Variants in SERGEF observed in about 807,000 individuals in gnomAD.
The protein encoded by SERGEF is secretion regulating guanine nucleotide exchange factor, also known as secretion-regulating guanine nucleotide exchange factor.
Under a neutral mutation model 50.0 loss-of-function variants are expected in SERGEF, and 51 were observed. The ratio of observed to expected loss-of-function variants is 1.02; its 90% confidence interval spans 0.81 to 1.29. SERGEF has a LOEUF of 1.29. Ranked by LOEUF, SERGEF falls within the 50% of genes most tolerant of loss-of-function variation. The pLI is 0.00. For missense variants in SERGEF, 521 were observed against 557.0 expected, an observed-to-expected ratio of 0.94 and a Z score of 0.65; for synonymous variants, 205 against 212.4, an observed-to-expected ratio of 0.97 and a Z score of 0.30.
chr11:17,866,537 C>G (rs1349539456), intron 10 of SERGEF, among the ~76,000 whole-genome samples: 1 of 152,118 alleles, frequency 6.6e-6, no homozygotes, highest in Non-Finnish European at 1.5e-5. Context: ...GGGAGTCTTG[C>G]TCTGTCACCC....
rs1177578111 is a variant in SERGEF, at chr11:17,882,433, A to G, written c.1012-4189T>C. Among the ~76,000 whole-genome samples the G allele has an allele frequency of 7.9e-5, 12 of 151,542 alleles. No individual in the cohort carries two copies. The East Asian group carries it at 9.7e-4, about 12-fold the overall frequency. ...GAGTCAGTCTCAAAAAAAAAAAAAAAAAAGAAAAAAAAAGACTGTTCAAAC... is the reference window on the plus strand; with the variant it reads ...GAGTCAGTCTCAAAAAAAAAAAAAAGAAAGAAAAAAAAAGACTGTTCAAAC... On this transcript the variant is annotated intron_variant, in intron 9 of 10. Coordinates refer to ENST00000265965, the MANE Select transcript of SERGEF (RefSeq NM_012139.4).
chr11:17,799,047 G>T (rs961392805), intron 10 of SERGEF, among the ~76,000 whole-genome samples: 3 of 152,180 alleles, frequency 2.0e-5, no homozygotes, highest in Non-Finnish European at 4.4e-5. Flanking sequence ...TTCAGGTGTT[G>T]CTCTCCTGTC....
chr11:17,877,487 C>G (rs1851259425), intron 10 of SERGEF, among the ~76,000 whole-genome samples: 1 of 152,198 alleles, frequency 6.6e-6, no homozygotes, highest in South Asian at 2.1e-4. Flanking sequence ...CTATTGCCCT[C>G]CCCATTTTAA....
At chr11:17,976,612 A>G (rs1006526650) in intron 8 of SERGEF, among the ~76,000 whole-genome samples, 10 of 151,898 alleles carry the variant, frequency 6.6e-5, no homozygotes, top group African/African-American at 2.2e-4. Flanking sequence ...CACTGTGATT[A>G]TTGAGAGCAC....
intron 10 of SERGEF, among the ~76,000 whole-genome samples, chr11:17,826,202 A>C (rs1232849381): frequency 6.6e-6 from 1 of 152,242 alleles, no homozygotes; most frequent in Non-Finnish European, 1.5e-5. Context: ...GATGCTATTC[A>C]AGAATTCGAA....
intron 9 of SERGEF, among the ~76,000 whole-genome samples, chr11:17,934,701 G>C (rs1437432842): frequency 6.6e-6 from 1 of 152,158 alleles, no homozygotes; most frequent in Non-Finnish European, 1.5e-5. Context: ...AGGAACTACA[G>C]ACCAAGTGTA....
At chr11:17,847,496 T>C (rs1850637526) in intron 10 of SERGEF, among the ~76,000 whole-genome samples, 1 of 152,240 alleles carries the variant, frequency 6.6e-6, no homozygotes, top group Non-Finnish European at 1.5e-5. Flanking sequence ...TTTTCTCATC[T>C]GTAAAATGGA....
chr11:17,918,209 G>C (rs1317538502), intron 9 of SERGEF, among the ~76,000 whole-genome samples: 1 of 152,210 alleles, frequency 6.6e-6, no homozygotes, highest in African/African-American at 2.4e-5. Context: ...GCTGGTACAA[G>C]TGGAGCACTT....
chr11:17,796,537 C>T (rs1849574875), intron 10 of SERGEF, among the ~76,000 whole-genome samples: 1 of 152,166 alleles, frequency 6.6e-6, no homozygotes, highest in Non-Finnish European at 1.5e-5. Context: ...GTTTGCTTGC[C>T]CTTTTGCCAT....
chr11:17,923,901 C>G (rs1173874732), intron 9 of SERGEF, among the ~76,000 whole-genome samples: 1 of 152,194 alleles, frequency 6.6e-6, no homozygotes, highest in Non-Finnish European at 1.5e-5. Flanking sequence ...GAGACTGTGT[C>G]ATACTGAACT....
intron 10 of SERGEF, among the ~76,000 whole-genome samples, chr11:17,824,481 G>T (rs554541004): frequency 2.0e-5 from 3 of 152,150 alleles, no homozygotes; most frequent in African/African-American, 4.8e-5. Context: ...GCAATCTTGT[G>T]GGGGGATATC....
At chr11:18,000,596 T>C (rs1375740311) in intron 4 of SERGEF, 39 bp from the exon 5 acceptor site, 2 of 1,419,570 alleles carry the variant, frequency 1.4e-6, no homozygotes, top group East Asian at 2.3e-5. Context: ...CTCAGAACCA[T>C]CCATCTACAA....
chr11:17,936,705 C>T (rs1480872821), intron 9 of SERGEF, among the ~76,000 whole-genome samples: 1 of 152,130 alleles, frequency 6.6e-6, no homozygotes, highest in African/African-American at 2.4e-5. Flanking sequence ...GTTAGGGGTT[C>T]CATTCATTAG....
At chr11:17,944,126 G>A (rs1439216679) in intron 9 of SERGEF, among the ~76,000 whole-genome samples, 2 of 151,894 alleles carry the variant, frequency 1.3e-5, no homozygotes, top group African/African-American at 2.4e-5. Flanking sequence ...ACGGGGTTTC[G>A]TCGTGTTAGC....
At chr11:17,794,543 C>A (rs1313356265) in intron 10 of SERGEF, among the ~76,000 whole-genome samples, 1 of 152,196 alleles carries the variant, frequency 6.6e-6, no homozygotes, top group Admixed American at 6.5e-5. Flanking sequence ...ATCTCAGGCG[C>A]CTTCACTAGT....
In SERGEF at chr11:17,848,430, G is replaced by A. The variant is rs538615999; in HGVS notation, c.1048+29778C>T. ...AAATGTCCTAAGGTCACCATAGTGA[G>A]GTCACCATATACAGTAAATAGTGGT... On this transcript the variant is annotated intron_variant, in intron 10 of 10. Transcript: ENST00000265965. Among the ~76,000 whole-genome samples the A allele has an allele frequency of 2.6e-5, 4 of 152,314 alleles. No individual in the cohort carries two copies. In the South Asian group the frequency reaches 6.2e-4, roughly 24 times the overall value.
intron 9 of SERGEF, among the ~76,000 whole-genome samples, chr11:17,913,531 A>G (rs1316968907): frequency 1.3e-5 from 2 of 152,204 alleles, no homozygotes; most frequent in Non-Finnish European, 2.9e-5. Context: ...CTATTGTAAG[A>G]TAATAGAAAC....
chr11:17,933,067 C>T lies in SERGEF; in HGVS notation c.1011+26403G>A, dbSNP rs540994547. Among the ~76,000 whole-genome samples, 3 of 152,184 alleles carry T rather than the reference C, an allele frequency of 2.0e-5. No individual in the cohort carries two copies. The South Asian group carries it at 6.2e-4, about 32-fold the overall frequency. On this transcript the variant is annotated intron_variant, in intron 9 of 10. Coordinates refer to ENST00000265965, the MANE Select transcript of SERGEF (RefSeq NM_012139.4). The stretch of plus-strand genomic sequence containing the variant: ...TAGGTCTAATGTTATCATCCAAATG[C>T]AATTTTCCTCCAGTATACCACAAAA...
At chr11:17,932,583 A>C in intron 9 of SERGEF, among the ~76,000 whole-genome samples, 1 of 152,206 alleles carries the variant, frequency 6.6e-6, no homozygotes, top group South Asian at 2.1e-4. Context: ...TGGGAGGATC[A>C]GCCCTAAGAG....
Sources: allele counts gnomAD v4.1 joint callset (sites outside exome capture counted in the v4.1 genomes callset), GRCh38; gene constraint gnomAD v4.1.1; transcripts MANE v1.5; gene names NCBI Gene and HGNC (gene_info 2026-07-23, HGNC 2026-07-21).